Variants in SLC9D1 observed in about 807,000 individuals in gnomAD.
The protein encoded by SLC9D1 is putative LAG1-interacting protein.
At chr13:113,517,434 T>C in the SLC9D1 span, among the ~76,000 whole-genome samples, 1 of 152,150 alleles carries the variant, frequency 6.6e-6, no homozygotes, top group Non-Finnish European at 1.5e-5. Flanking sequence ...TTCACCGTGT[T>C]AGCCAGGATG....
chr13:113,495,765 C>T, the SLC9D1 span: 9 of 1,613,886 alleles, frequency 5.6e-6, 1 homozygote, highest in South Asian at 4.4e-5. Context: ...AGGGCTTCTC[C>T]GCCAGAAGAA....
At chr13:113,506,077 T>G in the SLC9D1 span, 28,086 of 170,258 alleles carry the variant, frequency 0.16, 3,399 homozygotes, top group African/African-American at 0.35. Flanking sequence ...TGGGTCCTAA[T>G]GAAAAGCTGT....
At chr13:113,539,575 T>C in the SLC9D1 span, 98 of 1,483,858 alleles carry the variant, frequency 6.6e-5, 2 homozygotes, top group South Asian at 1.1e-3. The surrounding 1 kb of genome is among the most constrained non-coding windows in gnomAD (Gnocchi z 4.8). Flanking sequence ...GTAATATGTT[T>C]ACGTGCATAT....
At chr13:113,521,544 C>A in the SLC9D1 span, among the ~76,000 whole-genome samples, 4 of 151,970 alleles carry the variant, frequency 2.6e-5, no homozygotes, top group Non-Finnish European at 5.9e-5. Context: ...CATCTGCATG[C>A]GTGTGTGGTG....
the SLC9D1 span, among the ~76,000 whole-genome samples, chr13:113,502,924 C>T: frequency 6.6e-6 from 1 of 152,198 alleles, no homozygotes; most frequent in South Asian, 2.1e-4. Flanking sequence ...GCACCCTGGG[C>T]CTGGGGAGCG....
At chr13:113,524,145 G>A in the SLC9D1 span, 12 of 456,380 alleles carry the variant, frequency 2.6e-5, no homozygotes, top group Non-Finnish European at 4.0e-5. Context: ...GCGCTATTTC[G>A]TGTTCTTGCT....
chr13:113,527,099 C>T, the SLC9D1 span, among the ~76,000 whole-genome samples: 1 of 152,118 alleles, frequency 6.6e-6, no homozygotes, highest in African/African-American at 2.4e-5. Context: ...AGAATGTGTC[C>T]CCATTGTGAA....
chr13:113,496,090 G>T, the SLC9D1 span: 7 of 792,142 alleles, frequency 8.8e-6, no homozygotes, highest in Non-Finnish European at 1.4e-5. Flanking sequence ...GAGAGGGAGA[G>T]TGCGTGCCCA....
chr13:113,532,467 G>A, the SLC9D1 span, among the ~76,000 whole-genome samples: 2 of 152,150 alleles, frequency 1.3e-5, no homozygotes, highest in African/African-American at 4.8e-5. Flanking sequence ...GAGAAGCCTG[G>A]GTTCCATCCC....
the SLC9D1 span, chr13:113,498,790 T>G: frequency 2.8e-6 from 1 of 353,542 alleles, no homozygotes; most frequent in Non-Finnish European, 5.1e-6. Context: ...ATTGGGACAC[T>G]GGGACTCTAG....
the SLC9D1 span, among the ~76,000 whole-genome samples, chr13:113,537,036 T>C: frequency 3.3e-5 from 5 of 152,182 alleles, no homozygotes; most frequent in Non-Finnish European, 7.3e-5. Flanking sequence ...GGCTGGTCCC[T>C]CAAGCCCTTT....
At chr13:113,501,991 A>G in the SLC9D1 span, 6 of 855,828 alleles carry the variant, frequency 7.0e-6, no homozygotes, top group South Asian at 1.0e-4. Context: ...GCTTCGTATA[A>G]ACCATTTCAA....
At chr13:113,492,843 A>C in the SLC9D1 span, among the ~76,000 whole-genome samples, 1 of 152,184 alleles carries the variant, frequency 6.6e-6, no homozygotes, top group African/African-American at 2.4e-5. Flanking sequence ...GGTTGCAGTG[A>C]GCTGAGATCA....
At chr13:113,500,013 C>G in the SLC9D1 span, 2 of 1,585,622 alleles carry the variant, frequency 1.3e-6, no homozygotes, top group Non-Finnish European at 1.7e-6. Flanking sequence ...GAGGCCAATT[C>G]TAAGCAAAAT....
chr13:113,522,931 T>C, the SLC9D1 span, among the ~76,000 whole-genome samples: 1 of 152,228 alleles, frequency 6.6e-6, no homozygotes, highest in Non-Finnish European at 1.5e-5. Context: ...TGCCTGGCCT[T>C]CTTTTTTAGC....
At chr13:113,526,977 G>A in the SLC9D1 span, among the ~76,000 whole-genome samples, 1 of 152,228 alleles carries the variant, frequency 6.6e-6, no homozygotes, top group Non-Finnish European at 1.5e-5. Context: ...TGCTGTGCAG[G>A]TGTGTGGTCC....
chr13:113,543,836 G>C, the SLC9D1 span, among the ~76,000 whole-genome samples: 2 of 151,972 alleles, frequency 1.3e-5, no homozygotes, highest in Non-Finnish European at 2.9e-5. Flanking sequence ...CTTTTATGTT[G>C]AGAACCCTTT....
chr13:113,514,029 C>T, the SLC9D1 span, among the ~76,000 whole-genome samples: 8 of 151,770 alleles, frequency 5.3e-5, no homozygotes, highest in South Asian at 2.1e-4. Context: ...AGCTATCCAA[C>T]GTAAGAAAAT....
the SLC9D1 span, among the ~76,000 whole-genome samples, chr13:113,526,579 C>T: frequency 6.6e-6 from 1 of 151,846 alleles, no homozygotes; most frequent in Non-Finnish European, 1.5e-5. Context: ...ATTAGCCAGG[C>T]GTGGTGGCGC....
Sources: gnomAD v4.1 joint callset for allele counts (sites outside exome capture counted in the v4.1 genomes callset) on GRCh38, gnomAD v4.1.1 for gene constraint, Gnocchi (gnomAD v3.1) non-coding constraint, MANE v1.5 for transcripts, NCBI Gene and HGNC (gene_info 2026-07-23, HGNC 2026-07-21) for gene names.